Variants in MYRIP observed in about 807,000 individuals in gnomAD.
MYRIP encodes myosin VIIA and Rab interacting protein, also known as rab effector MyRIP.
MYRIP carries 49 observed loss-of-function variants against 98.0 expected under a neutral mutation model. The observed-to-expected ratio is 0.50, with a 90% CI of 0.40 to 0.63. The LOEUF is 0.63. Among genes scored for constraint, MYRIP ranks in the 30% least tolerant of loss-of-function variants. The pLI is 0.00. For synonymous variants in MYRIP, 404 were observed against 409.5 expected (o/e 0.99, Z 0.16); for missense variants, 1,004 against 1,058.2 (o/e 0.95, Z 0.71).
intron 11 of MYRIP, among the ~76,000 whole-genome samples, chr3:40,218,659 TAC>T (rs1289296911): frequency 7.4e-6 from 1 of 135,024 alleles, no homozygotes; most frequent in African/African-American, 2.9e-5. Context: ...TATATATACA[TAC>T]ACACACATAC....
chr3:40,244,274 A>G (rs1374378819), intron 12 of MYRIP, among the ~76,000 whole-genome samples, 172 bp from the exon 13 acceptor site: 1 of 152,206 alleles, frequency 6.6e-6, no homozygotes, highest in African/African-American at 2.4e-5. Context: ...GGGTGTCAAG[A>G]CCTCACACAT....
chr3:40,141,793 T>C (rs1949900860), intron 3 of MYRIP, among the ~76,000 whole-genome samples: 1 of 152,196 alleles, frequency 6.6e-6, no homozygotes, highest in African/African-American at 2.4e-5. Context: ...TACTCTGCTC[T>C]ATTGGTTTAT....
intron 2 of MYRIP, among the ~76,000 whole-genome samples, chr3:39,980,149 G>C (rs1945854184): frequency 8.4e-6 from 1 of 119,326 alleles, no homozygotes; most frequent in Non-Finnish European, 1.7e-5. Flanking sequence ...ATGACTTATT[G>C]TAAGAATGCT....
intron 3 of MYRIP, among the ~76,000 whole-genome samples, 182 bp downstream of exon 3, chr3:40,044,453 TGA>T (rs1415769550): frequency 1.3e-5 from 2 of 152,076 alleles, no homozygotes; most frequent in Non-Finnish European, 2.9e-5. Context: ...ATAGGGAGGA[TGA>T]GAGAGGGCCC....
chr3:39,867,724 T>C (rs114739953), intron 1 of MYRIP, among the ~76,000 whole-genome samples: 1,719 of 152,318 alleles, frequency 0.011, 17 homozygotes, highest in Non-Finnish European at 0.02. Context: ...ACGGCCATTA[T>C]GGAAAACAGT....
In MYRIP at chr3:40,258,121, T is replaced by G; in HGVS notation, c.2548-13T>G. 1.2e-6 allele frequency: 2 copies of G among 1,614,244 alleles called. No individual in the cohort carries two copies. The highest frequency in any genetic ancestry group is 1.1e-5 in the South Asian group (1 of 91,090). ...AAGTGGCTGATGGGAGTGTGTTCAATGTCTCACCTCAGGAGCCTGCTCTGG... is the reference window on the plus strand; with the variant it reads ...AAGTGGCTGATGGGAGTGTGTTCAAGGTCTCACCTCAGGAGCCTGCTCTGG... On this transcript the variant is annotated splice_polypyrimidine_tract_variant and intron_variant, in intron 16 of 16. Transcript: ENST00000302541.
intron 2 of MYRIP, among the ~76,000 whole-genome samples, chr3:39,907,703 C>T (rs1475227591): frequency 2.6e-5 from 4 of 152,164 alleles, no homozygotes; most frequent in African/African-American, 9.7e-5. Flanking sequence ...TTTTTGAGAG[C>T]TAAAAGAGAG....
At chr3:40,054,120 A>G (rs1427583720) in intron 3 of MYRIP, among the ~76,000 whole-genome samples, 1 of 152,150 alleles carries the variant, frequency 6.6e-6, no homozygotes, top group Non-Finnish European at 1.5e-5. Context: ...TATCCACTGA[A>G]TGATTGAATC....
chr3:40,085,346 G>T (rs1257126837), intron 3 of MYRIP, among the ~76,000 whole-genome samples: 1 of 152,158 alleles, frequency 6.6e-6, no homozygotes, highest in African/African-American at 2.4e-5. Flanking sequence ...GAGTGCAGTG[G>T]CGCGATCTTG....
chr3:39,968,522 C>A (rs371765791), intron 2 of MYRIP, among the ~76,000 whole-genome samples: 3 of 152,238 alleles, frequency 2.0e-5, no homozygotes, highest in African/African-American at 7.2e-5. Context: ...GGAGGGGGTC[C>A]AGCTTCAATC....
At chr3:40,052,713 A>C (rs1947816345) in intron 3 of MYRIP, among the ~76,000 whole-genome samples, 1 of 152,222 alleles carries the variant, frequency 6.6e-6, no homozygotes, top group Non-Finnish European at 1.5e-5. Context: ...ATGCTGTACA[A>C]AAATGAGTTA....
chr3:40,094,988 G>C (rs972079944), intron 3 of MYRIP, among the ~76,000 whole-genome samples: 3 of 152,104 alleles, frequency 2.0e-5, no homozygotes, highest in Non-Finnish European at 4.4e-5. Context: ...TGGCTAACAC[G>C]AGTCTGATGT....
intron 2 of MYRIP, among the ~76,000 whole-genome samples, chr3:39,967,348 G>A (rs1945466297): frequency 6.6e-6 from 1 of 151,982 alleles, no homozygotes; most frequent in South Asian, 2.1e-4. Context: ...GTGGTATTTG[G>A]TTTTCTGTTC....
rs1945399157 is a variant in MYRIP, at chr3:39,964,696, G to C, written c.110+63770G>C. ...AAAACATTATTTAGAAGAGCTTTTG[G>C]CCTTTCACAAAATTGTCATGAACCT... On this transcript the variant is annotated intron_variant, in intron 2 of 16. Transcript: ENST00000302541. Among the ~76,000 whole-genome samples, 3 of 152,148 alleles carry C rather than the reference G, an allele frequency of 2.0e-5. No homozygotes were observed. The South Asian group carries it at 6.2e-4, about 32-fold the overall frequency.
intron 1 of MYRIP, among the ~76,000 whole-genome samples, chr3:39,829,387 T>A (rs1183614892): frequency 1.3e-5 from 2 of 152,264 alleles, no homozygotes; most frequent in African/African-American, 4.8e-5. Flanking sequence ...AGGGAAAGAC[T>A]TATTTGTATT....
intron 11 of MYRIP, among the ~76,000 whole-genome samples, chr3:40,227,266 C>A (rs1952516184): frequency 6.6e-6 from 1 of 152,110 alleles, no homozygotes; most frequent in Admixed American, 6.5e-5. Context: ...TTTTCAGGGT[C>A]CCCTCGAGGC....
At chr3:40,228,477 G>A (rs1952553663) in intron 11 of MYRIP, among the ~76,000 whole-genome samples, 1 of 152,168 alleles carries the variant, frequency 6.6e-6, no homozygotes, top group Non-Finnish European at 1.5e-5. Flanking sequence ...TAAAGGGTAA[G>A]GAGGCCCTTC....
At chr3:39,878,155 C>A (rs4676530) in intron 1 of MYRIP, among the ~76,000 whole-genome samples, 4 of 152,012 alleles carry the variant, frequency 2.6e-5, no homozygotes, top group African/African-American at 9.7e-5. Flanking sequence ...GAGCCATATG[C>A]GGGATATAAT....
intron 1 of MYRIP, among the ~76,000 whole-genome samples, chr3:39,822,271 T>C (rs953596848): frequency 6.6e-6 from 1 of 152,202 alleles, no homozygotes; most frequent in South Asian, 2.1e-4. Flanking sequence ...GTAATTTGCA[T>C]GTCCATCATT....
Sources: gnomAD v4.1 joint callset for allele counts (sites outside exome capture counted in the v4.1 genomes callset) on GRCh38, gnomAD v4.1.1 for gene constraint, MANE v1.5 for transcripts, NCBI Gene and HGNC (gene_info 2026-07-23, HGNC 2026-07-21) for gene names.